Variants in RPTOR observed in about 807,000 individuals in gnomAD.
RPTOR encodes the protein regulatory associated protein of MTOR complex 1, also known as regulatory-associated protein of mTOR.
RPTOR carries 21 observed loss-of-function variants against 169.9 expected under a neutral mutation model. The ratio of observed to expected loss-of-function variants is 0.12; its 90% CI spans 0.09 to 0.18. The LOEUF is 0.18. Ranked by LOEUF, RPTOR falls within the 10% of genes least tolerant of loss-of-function variation. The pLI is 1.00. For missense variants in RPTOR, 1,133 were observed against 1,855.9 expected (o/e 0.61, Z 7.16); for synonymous variants, 732 against 753.2 (o/e 0.97, Z 0.46).
intron 2 of RPTOR, among the ~76,000 whole-genome samples, chr17:80,634,749 C>CTA (rs199670888): frequency 1.7e-5 from 1 of 57,876 alleles, no homozygotes; most frequent in Admixed American, 1.6e-4. Context: ...TGTGTGCATA[C>CTA]TGTGTGTGTG....
intron 9 of RPTOR, among the ~76,000 whole-genome samples, chr17:80,826,649 G>A (rs528715299): frequency 2.1e-4 from 32 of 152,378 alleles, no homozygotes; most frequent in African/African-American, 6.7e-4. Context: ...CCCTTCTGCC[G>A]GGTGTCACTG....
chr17:80,781,471 C>G (rs2340769), intron 6 of RPTOR, among the ~76,000 whole-genome samples: 1 of 152,102 alleles, frequency 6.6e-6, no homozygotes, highest in Non-Finnish European at 1.5e-5. Flanking sequence ...GGAAAAGGTT[C>G]CAAAATTTTT....
rs1233892873 is a variant in RPTOR at position 80,922,826 on chromosome 17, G to A, written c.2623G>A (p.Gly875Arg). 1.9e-6 allele frequency: 3 copies of A among 1,561,810 alleles called. No homozygotes were observed. Among genetic ancestry groups the A allele is most frequent in the Non-Finnish European group, 2.6e-6 (3 of 1,159,494 alleles). The change falls in exon 22 of 34, where the codon GGG becomes AGG. Residue 875 changes from glycine (G) to arginine (R), a missense_variant and splice_region_variant. Physicochemically the swap from Gly to Arg is moderately radical, Grantham distance 125. Around this residue, in one of 9 missense-constraint regions of RPTOR, gnomAD observed 123 missense variants for 129.0 expected, o/e 0.95. Transcript: ENST00000306801. ...CAAGGGCGTGCACATCCACCAGGCG[G>A]GGTAAGTGCCGCCCGCTCAGCCTGC... The part of the protein sequence containing the change: ...TNKGVHIHQA[G>R]GSPPASSTSS...
intron 4 of RPTOR, among the ~76,000 whole-genome samples, chr17:80,711,773 C>T (rs2066194915): frequency 3.3e-5 from 1 of 30,432 alleles, no homozygotes; most frequent in Non-Finnish European, 6.0e-5. Flanking sequence ...GGTTAAGTCT[C>T]CCTCTGTCGC....
intron 1 of RPTOR, among the ~76,000 whole-genome samples, chr17:80,621,473 G>T (rs969747593): frequency 1.3e-5 from 2 of 152,224 alleles, no homozygotes; most frequent in African/African-American, 4.8e-5. Context: ...CCCTGTGTCG[G>T]CCTCTGCCGC....
chr17:80,555,376 T>G (rs1328581071), intron 1 of RPTOR, among the ~76,000 whole-genome samples: 2 of 152,198 alleles, frequency 1.3e-5, no homozygotes, highest in African/African-American at 4.8e-5. Context: ...GTCCTTCTAT[T>G]GCTCCAGATT....
intron 1 of RPTOR, among the ~76,000 whole-genome samples, chr17:80,577,061 C>T (rs1395324248): frequency 2.1e-5 from 3 of 141,354 alleles, no homozygotes; most frequent in South Asian, 4.4e-4. Flanking sequence ...GATGAAGCTT[C>T]GCTCTTTTTG....
intron 4 of RPTOR, among the ~76,000 whole-genome samples, chr17:80,725,188 G>T (rs929214220): frequency 3.3e-5 from 5 of 152,204 alleles, no homozygotes; most frequent in Non-Finnish European, 5.9e-5. Context: ...AAGACAGCCT[G>T]CAGGCTTCAG....
chr17:80,836,725 G>A (rs994299666), intron 9 of RPTOR, among the ~76,000 whole-genome samples: 1 of 152,132 alleles, frequency 6.6e-6, no homozygotes, highest in East Asian at 1.9e-4. Flanking sequence ...CCGGCAGAGG[G>A]GCCCATTGGG....
chr17:80,643,178 T>G (rs2065566826), intron 2 of RPTOR, among the ~76,000 whole-genome samples: 1 of 152,228 alleles, frequency 6.6e-6, no homozygotes, highest in Admixed American at 6.5e-5. Context: ...GAACTGCTGA[T>G]TTAGAGTTAA....
At chr17:80,767,821 T>G (rs2066802674) in intron 6 of RPTOR, among the ~76,000 whole-genome samples, 1 of 151,842 alleles carries the variant, frequency 6.6e-6, no homozygotes, top group Non-Finnish European at 1.5e-5. Context: ...TCAGCTTACT[T>G]CCCTAAGAAA....
chr17:80,880,688 T>C (rs1259269903), intron 14 of RPTOR, among the ~76,000 whole-genome samples, 199 bp downstream of exon 14: 1 of 152,228 alleles, frequency 6.6e-6, no homozygotes, highest in Non-Finnish European at 1.5e-5. Flanking sequence ...GCAGCTGTTA[T>C]TTCGTGTCTG....
rs1425153806 is a variant in RPTOR at position 80,848,880 on chromosome 17, T to C, written c.1314+2306T>C. Among the ~76,000 whole-genome samples, 3 of 152,264 alleles carry C rather than the reference T, an allele frequency of 2.0e-5. No individual in the cohort carries two copies. The South Asian group carries it at 6.2e-4, about 31-fold the overall frequency. On this transcript the variant is annotated intron_variant, in intron 11 of 33. Transcript: ENST00000306801. Reference sequence around the variant, plus strand: ...TCCCTCAAGGAAGGAGAAGACGTGCTGGAGGCAGCTTTCTGATGGTGACGT... The same window carrying C: ...TCCCTCAAGGAAGGAGAAGACGTGCCGGAGGCAGCTTTCTGATGGTGACGT...
At chr17:80,649,995 C>T (rs1466662088) in intron 3 of RPTOR, among the ~76,000 whole-genome samples, 2 of 152,228 alleles carry the variant, frequency 1.3e-5, no homozygotes, top group Non-Finnish European at 2.9e-5. Context: ...ACTCTTTAGA[C>T]CAATTGCACC....
rs373946640 is a variant in RPTOR at position 80,744,169 on chromosome 17, T to C, written c.655-9841T>C. 3.0e-3 allele frequency among the ~76,000 whole-genome samples: 38 copies of C among 12,460 alleles called. 5 individuals are homozygous for C. Among genetic ancestry groups the C allele is most frequent in the African/African-American group, 4.4e-3 (13 of 2,980 alleles). The allele number at this position is 12,460 out of a possible 152,430, so 8.2% of individuals were successfully genotyped here. Reference sequence around the variant, plus strand: ...ATCCTGGTTACTAGCACAGCCCTGGTTACTAGCACTATCCTGGCTACTAGC... The same window carrying C: ...ATCCTGGTTACTAGCACAGCCCTGGCTACTAGCACTATCCTGGCTACTAGC... On this transcript the variant is annotated intron_variant, in intron 5 of 33. Coordinates refer to ENST00000306801, the MANE Select transcript of RPTOR (RefSeq NM_020761.3).
chr17:80,876,992 A>G (rs1333461260), intron 13 of RPTOR, among the ~76,000 whole-genome samples: 2 of 126,282 alleles, frequency 1.6e-5, no homozygotes, highest in African/African-American at 6.3e-5. Context: ...AGCCCGTGCC[A>G]TGCAGGGTGT....
chr17:80,903,560 G>C (rs2143915119), intron 20 of RPTOR, among the ~76,000 whole-genome samples: 1 of 152,330 alleles, frequency 6.6e-6, no homozygotes, highest in Non-Finnish European at 1.5e-5. Flanking sequence ...ATTTTTTAAT[G>C]TTTCTTAAAG....
intron 6 of RPTOR, among the ~76,000 whole-genome samples, chr17:80,785,526 G>A (rs759473819): frequency 2.0e-4 from 31 of 152,172 alleles, no homozygotes; most frequent in Admixed American, 3.9e-4. Flanking sequence ...GCAGGTTCCC[G>A]ACTGGTGAGT....
Position 80,848,731 on chromosome 17 carries a change from G to A in RPTOR, c.1314+2157G>A, listed in dbSNP as rs146152518. Among the ~76,000 whole-genome samples the A allele has an allele frequency of 3.8e-4, 58 of 152,330 alleles. 1 individual carries two copies. The highest frequency in any genetic ancestry group is 1.3e-3 in the African/African-American group (55 of 41,570). On this transcript the variant is annotated intron_variant, in intron 11 of 33. Coordinates refer to ENST00000306801, the MANE Select transcript of RPTOR (RefSeq NM_020761.3). Reference sequence around the variant, plus strand: ...TTGAGCAATGTGATGGAGTAAAATCGGCCCTCTCCAAAGCAGGACCCGATG... The same window carrying A: ...TTGAGCAATGTGATGGAGTAAAATCAGCCCTCTCCAAAGCAGGACCCGATG...
Sources: gnomAD v4.1 joint callset for allele counts (sites outside exome capture counted in the v4.1 genomes callset) on GRCh38, gnomAD v4.1.1 for gene constraint, gnomAD v4.1.1 regional missense constraint, MANE v1.5 for transcripts, NCBI Gene and HGNC (gene_info 2026-07-23, HGNC 2026-07-21) for gene names.